The following NRXN3 variants were observed in gnomAD, a reference collection of about 807,000 sequenced individuals.
NRXN3 encodes neurexin III.
NRXN3 carries 32 observed loss-of-function variants against 137.6 expected under a neutral mutation model. The ratio of observed to expected loss-of-function variants is 0.23; its 90% CI spans 0.18 to 0.31. The LOEUF (loss-of-function observed/expected upper bound fraction) is 0.31. NRXN3 is among the 10% of genes least tolerant of loss of function. The pLI is 1.00. For missense variants in NRXN3, 1,574 were observed against 2,062.5 expected, an observed-to-expected ratio of 0.76 and a Z score of 4.59; for synonymous variants, 798 against 784.5, an observed-to-expected ratio of 1.02 and a Z score of -0.29.
intron 14 of NRXN3, among the ~76,000 whole-genome samples, chr14:78,984,325 T>A (rs2099497391): frequency 6.6e-6 from 1 of 152,204 alleles, no homozygotes; most frequent in Admixed American, 6.5e-5. Flanking sequence ...TAACATTGTA[T>A]CCCATAAATA....
chr14:79,859,700 C>A (rs2099410317), intron 20 of NRXN3, among the ~76,000 whole-genome samples: 1 of 152,110 alleles, frequency 6.6e-6, no homozygotes, highest in South Asian at 2.1e-4. Flanking sequence ...ACTATCACAG[C>A]AAAGTTATTA....
chr14:79,152,648 T>A (rs2059907082), intron 15 of NRXN3, among the ~76,000 whole-genome samples: 1 of 151,972 alleles, frequency 6.6e-6, no homozygotes, highest in Non-Finnish European at 1.5e-5. Context: ...GGGGAACTGC[T>A]GTTTATAAAA....
intron 4 of NRXN3, among the ~76,000 whole-genome samples, chr14:78,492,090 T>A (rs1284771725): frequency 6.6e-6 from 1 of 152,140 alleles, no homozygotes. Flanking sequence ...ATAATAACCT[T>A]TTAGGGTTGT....
chr14:78,443,484 G>A (rs1567605956), intron 4 of NRXN3, among the ~76,000 whole-genome samples: 1 of 152,176 alleles, frequency 6.6e-6, no homozygotes, highest in Non-Finnish European at 1.5e-5. Context: ...GGGTCCAGGG[G>A]AGAATCAATA....
intron 2 of NRXN3, among the ~76,000 whole-genome samples, chr14:78,263,357 T>G (rs1253333099): frequency 6.6e-6 from 1 of 152,194 alleles, no homozygotes; most frequent in East Asian, 1.9e-4. Flanking sequence ...AAATAGTAGC[T>G]CTGAGACCAT....
At chr14:79,330,244 G>T (rs1006069200) in intron 15 of NRXN3, among the ~76,000 whole-genome samples, 1 of 152,100 alleles carries the variant, frequency 6.6e-6, no homozygotes, top group African/African-American at 2.4e-5. Flanking sequence ...GTCCAGGTAT[G>T]AGATGATAAC....
intron 9 of NRXN3, among the ~76,000 whole-genome samples, chr14:78,807,712 G>A (rs1439411066): frequency 6.9e-6 from 1 of 144,680 alleles, no homozygotes; most frequent in African/African-American, 2.7e-5. Flanking sequence ...TCAAACCTGG[G>A]CAATAAAGTG....
chr14:79,449,848 G>A (rs146541437), intron 15 of NRXN3, among the ~76,000 whole-genome samples: 5 of 151,964 alleles, frequency 3.3e-5, no homozygotes, highest in Admixed American at 1.3e-4. Context: ...AAAATTAGCC[G>A]GGTGTGGTGG....
intron 8 of NRXN3, among the ~76,000 whole-genome samples, chr14:78,765,503 G>A (rs2098706027): frequency 6.6e-6 from 1 of 151,786 alleles, no homozygotes; most frequent in Non-Finnish European, 1.5e-5. Flanking sequence ...TGCTTCTCTT[G>A]GAAGCTACCT....
chr14:78,782,207 A>G (rs7141475), intron 8 of NRXN3, among the ~76,000 whole-genome samples: 58,083 of 152,134 alleles, frequency 0.38, 16,496 homozygotes, highest in African/African-American at 0.8. Context: ...TCTGGCCCAC[A>G]TGCCAGTGAT....
intron 8 of NRXN3, among the ~76,000 whole-genome samples, chr14:78,744,184 T>C (rs1347238307): frequency 1.3e-5 from 2 of 152,180 alleles, no homozygotes; most frequent in African/African-American, 4.8e-5. Context: ...CTCTGCCACC[T>C]AGGCTGGAGT....
chr14:79,767,713 C>T (rs1018139443), intron 19 of NRXN3, among the ~76,000 whole-genome samples: 1 of 152,150 alleles, frequency 6.6e-6, no homozygotes, highest in Non-Finnish European at 1.5e-5. Context: ...GTAAGTCACC[C>T]AAAGTTACAC....
intron 17 of NRXN3, among the ~76,000 whole-genome samples, chr14:79,689,913 T>C (rs1187488971): frequency 6.6e-6 from 1 of 152,194 alleles, no homozygotes; most frequent in Admixed American, 6.5e-5. Flanking sequence ...TTTAGTTACT[T>C]CTGATTTTGC....
intron 15 of NRXN3, among the ~76,000 whole-genome samples, chr14:79,268,167 G>A (rs1319939381): frequency 6.6e-6 from 1 of 152,014 alleles, no homozygotes; most frequent in East Asian, 1.9e-4. Flanking sequence ...CATTTTAGTG[G>A]GTTTTTTAAA....
chr14:79,059,244 C>T (rs1250047439), intron 15 of NRXN3, among the ~76,000 whole-genome samples: 1 of 118,946 alleles, frequency 8.4e-6, no homozygotes, highest in South Asian at 2.7e-4. Flanking sequence ...GCCTTCAGGC[C>T]CTATTCTTTT....
intron 16 of NRXN3, among the ~76,000 whole-genome samples, chr14:79,627,369 G>T (rs908839484): frequency 6.6e-6 from 1 of 152,136 alleles, no homozygotes; most frequent in Admixed American, 6.5e-5. Flanking sequence ...TTGCTTCCTA[G>T]TGTACTTCTG....
At chr14:79,705,544 A>G (rs1308975011) in intron 19 of NRXN3, among the ~76,000 whole-genome samples, 1 of 152,154 alleles carries the variant, frequency 6.6e-6, no homozygotes, top group African/African-American at 2.4e-5. Flanking sequence ...AAATGAAAAC[A>G]AAGTTTTAGC....
chr14:78,255,850 G>A (rs1389988112), intron 2 of NRXN3, among the ~76,000 whole-genome samples: 1 of 152,192 alleles, frequency 6.6e-6, no homozygotes, highest in Non-Finnish European at 1.5e-5. Context: ...GCTCCCTAAT[G>A]TGTGGTGGAT....
At chr14:78,955,319 G>T (rs2099394973) in intron 10 of NRXN3, among the ~76,000 whole-genome samples, 1 of 152,078 alleles carries the variant, frequency 6.6e-6, no homozygotes, top group Admixed American at 6.6e-5. Flanking sequence ...CCTCACTGTT[G>T]GCTGTTGTGA....
Sources: gnomAD v4.1 joint callset for allele counts (sites outside exome capture counted in the v4.1 genomes callset) on GRCh38, gnomAD v4.1.1 for gene constraint, MANE v1.5 for transcripts, NCBI Gene and HGNC (gene_info 2026-07-23, HGNC 2026-07-21) for gene names.